The following CNTN5 variants were observed in gnomAD, a reference collection of about 807,000 sequenced individuals.
CNTN5 encodes the protein contactin 5, also known as contactin-5.
In CNTN5, 77 loss-of-function variants were observed where a neutral mutation model predicts 129.1. The ratio of observed to expected loss-of-function variants is 0.60; its 90% CI spans 0.50 to 0.72. CNTN5 has a LOEUF of 0.72. CNTN5 is among the 30% of genes least tolerant of loss of function. The probability of loss-of-function intolerance (pLI) is 0.00; values close to 1 mark genes in which losing one functional copy is unlikely to be tolerated. For missense variants in CNTN5, 1,478 were observed against 1,328.8 expected (o/e 1.11, Z -1.75); for synonymous variants, 509 against 465.6 (o/e 1.09, Z -1.20).
intron 1 of CNTN5, among the ~76,000 whole-genome samples, chr11:99,189,850 A>G (rs1206691793): frequency 6.6e-6 from 1 of 151,532 alleles, no homozygotes; most frequent in African/African-American, 2.4e-5. Context: ...CTCTCATTTT[A>G]TAGGTTGTCC....
chr11:99,282,047 T>C (rs1327206839), intron 1 of CNTN5, among the ~76,000 whole-genome samples: 1 of 152,032 alleles, frequency 6.6e-6, no homozygotes, highest in Non-Finnish European at 1.5e-5. Flanking sequence ...TGTATGAAAC[T>C]ACACAAGAAT....
In CNTN5 at chr11:99,881,817, T is replaced by G. The variant is rs1285385660; in HGVS notation, c.578-34237T>G. 4.6e-5 allele frequency among the ~76,000 whole-genome samples: 7 copies of G among 152,226 alleles called. No individual in the cohort carries two copies. In the East Asian group the frequency reaches 1.2e-3, roughly 25 times the overall value. The stretch of plus-strand genomic sequence containing the variant: ...GCCGTGTATCGCAGAGCTTGCAGTT[T>G]ATTCAGCCGACTACTATCTGAGAGT... On this transcript the variant is annotated intron_variant, in intron 6 of 24. Transcript: ENST00000524871.
At chr11:100,333,734 G>A (rs1951961518) in intron 21 of CNTN5, among the ~76,000 whole-genome samples, 2 of 152,118 alleles carry the variant, frequency 1.3e-5, no homozygotes, top group Admixed American at 1.3e-4. Flanking sequence ...CTAGCCACAT[G>A]TTGAAAATGA....
At position 99,321,930 on chromosome 11, in the gene CNTN5, A is replaced by G. The variant is rs548695171; in HGVS notation, c.-209-3416A>G. ...TGTGCTTATACTACAATGTGCTCAT[A>G]CTACAATGGCTGATGAAAGAGACTG... On this transcript the variant is annotated intron_variant, in intron 1 of 24. Coordinates refer to ENST00000524871, the MANE Select transcript of CNTN5 (RefSeq NM_014361.4). Among the ~76,000 whole-genome samples the G allele has an allele frequency of 3.3e-5, 5 of 152,258 alleles. 1 individual carries two copies. Among genetic ancestry groups the G allele is most frequent in the Admixed American group, 6.5e-5 (1 of 15,276 alleles).
At chr11:99,703,189 T>A (rs1954598739) in intron 3 of CNTN5, among the ~76,000 whole-genome samples, 1 of 150,026 alleles carries the variant, frequency 6.7e-6, no homozygotes, top group Non-Finnish European at 1.5e-5. Context: ...TTCCTGAGTG[T>A]TTTTTATAAA....
chr11:99,702,361 G>A (rs1954559604), intron 3 of CNTN5, among the ~76,000 whole-genome samples: 2 of 150,862 alleles, frequency 1.3e-5, no homozygotes, highest in South Asian at 2.1e-4. Context: ...AGCCTTGTTT[G>A]TAGCTCACTT....
intron 1 of CNTN5, among the ~76,000 whole-genome samples, chr11:99,248,160 G>C (rs540490587): frequency 6.6e-6 from 1 of 152,102 alleles, no homozygotes; most frequent in Admixed American, 6.5e-5. Flanking sequence ...CATTCTAACT[G>C]GTGTGAGATG....
intron 3 of CNTN5, among the ~76,000 whole-genome samples, chr11:99,684,138 A>G (rs948443391): frequency 6.6e-6 from 1 of 151,616 alleles, no homozygotes; most frequent in Non-Finnish European, 1.5e-5. Flanking sequence ...CCCTGTTTCT[A>G]TGAGTTTGAC....
Position 100,265,269 on chromosome 11 carries a change from C to T in CNTN5, c.2165-5823C>T, listed in dbSNP as rs1040475317. On this transcript the variant is annotated intron_variant, in intron 17 of 24. Coordinates refer to ENST00000524871, the MANE Select transcript of CNTN5 (RefSeq NM_014361.4). ...TCTTCTAACTCATTTCTCCAAAACG[C>T]ACCATTAATTGCAGCTATTGGCAGA... Among the ~76,000 whole-genome samples the T allele has an allele frequency of 3.9e-5, 6 of 152,234 alleles. No individual in the cohort carries two copies. The East Asian group carries it at 9.7e-4, about 25-fold the overall frequency.
chr11:99,483,878 T>C (rs976326846), intron 2 of CNTN5, among the ~76,000 whole-genome samples: 9 of 152,128 alleles, frequency 5.9e-5, no homozygotes, highest in African/African-American at 2.2e-4. Context: ...ACTAGATCCC[T>C]GCCTTCTCAC....
chr11:100,083,332 A>AG (rs1351588309), intron 13 of CNTN5, among the ~76,000 whole-genome samples: 39 of 146,766 alleles, frequency 2.7e-4, no homozygotes, highest in Non-Finnish European at 4.8e-4. Context: ...AAAAAAAAAA[A>AG]GAGAGATGGG....
At chr11:99,363,049 G>GA (rs917446582) in intron 2 of CNTN5, among the ~76,000 whole-genome samples, 29 of 150,730 alleles carry the variant, frequency 1.9e-4, no homozygotes, top group African/African-American at 5.6e-4. Flanking sequence ...CAGTTTGTGG[G>GA]AAAAAAAAAT....
chr11:99,968,563 G>T (rs1951157710), intron 8 of CNTN5, among the ~76,000 whole-genome samples: 1 of 149,218 alleles, frequency 6.7e-6, no homozygotes, highest in South Asian at 2.1e-4. Context: ...GATTTGGTTT[G>T]GTACTCAACA....
At chr11:99,516,944 G>A (rs768173510) in intron 2 of CNTN5, among the ~76,000 whole-genome samples, 1 of 152,012 alleles carries the variant, frequency 6.6e-6, no homozygotes, top group Non-Finnish European at 1.5e-5. Flanking sequence ...AAATGAATGG[G>A]CACTAATTGT....
intron 3 of CNTN5, among the ~76,000 whole-genome samples, chr11:99,778,132 T>G: frequency 6.6e-6 from 1 of 151,890 alleles, no homozygotes; most frequent in East Asian, 1.9e-4. Flanking sequence ...TGTTTAAGCC[T>G]TGTTCTCTAT....
intron 3 of CNTN5, among the ~76,000 whole-genome samples, chr11:99,612,129 G>A (rs1950609195): frequency 6.6e-6 from 1 of 152,146 alleles, no homozygotes; most frequent in Non-Finnish European, 1.5e-5. Flanking sequence ...ACTCTGTGAG[G>A]TACATCATAT....
At position 100,272,440 on chromosome 11, in the gene CNTN5, C is replaced by T. The variant is rs1950423832; in HGVS notation, c.2314+1199C>T. Among the ~76,000 whole-genome samples the T allele has an allele frequency of 1.3e-5, 2 of 151,880 alleles. 1 individual carries two copies. The highest frequency in any genetic ancestry group is 4.1e-4 in the South Asian group (2 of 4,822). ...CAAAGCTTATAATCATTAAAATAAA[C>T]TCTCAAAACAGTTGACTTTTTCTCT... On this transcript the variant is annotated intron_variant, in intron 18 of 24. Transcript: ENST00000524871.
At chr11:100,068,770 G>A (rs554835975) in intron 10 of CNTN5, among the ~76,000 whole-genome samples, 8 of 152,222 alleles carry the variant, frequency 5.3e-5, no homozygotes, top group Admixed American at 5.2e-4. Flanking sequence ...TGTATTCCAA[G>A]GTCTACAAAT....
At chr11:100,012,648 T>C (rs1422136576) in intron 9 of CNTN5, among the ~76,000 whole-genome samples, 1 of 152,168 alleles carries the variant, frequency 6.6e-6, no homozygotes. Flanking sequence ...GTGTGGCCTA[T>C]AGAGGCAGAA....
Sources: allele counts gnomAD v4.1 joint callset (sites outside exome capture counted in the v4.1 genomes callset), GRCh38; gene constraint gnomAD v4.1.1; transcripts MANE v1.5; gene names NCBI Gene and HGNC (gene_info 2026-07-23, HGNC 2026-07-21).